MAP2K1: variants seen among roughly 807,000 people sequenced by gnomAD.
MAP2K1 encodes dual specificity mitogen-activated protein kinase kinase 1.
Under a neutral mutation model 46.3 loss-of-function variants are expected in MAP2K1, and 16 were observed. That is an observed-to-expected ratio of 0.35 (90% CI 0.23 to 0.52). The LOEUF is 0.52. Among genes scored for constraint, MAP2K1 ranks in the 20% least tolerant of loss-of-function variants. The probability of loss-of-function intolerance (pLI) is 0.94; values close to 1 mark genes in which losing one functional copy is unlikely to be tolerated. For missense variants in MAP2K1, 263 were observed against 497.1 expected, an observed-to-expected ratio of 0.53 and a Z score of 4.48; for synonymous variants, 183 against 185.6, an observed-to-expected ratio of 0.99 and a Z score of 0.11.
At chr15:66,489,687 A>G in intron 9 of MAP2K1, 31 bp from the exon 10 acceptor site, 1 of 1,591,012 alleles carries the variant, frequency 6.3e-7, no homozygotes, top group Non-Finnish European at 8.6e-7. Flanking sequence ...GTGCCAGGCA[A>G]CAGCTCTTAC....
chr15:66,407,291 A>G (rs538151797), intron 1 of MAP2K1, among the ~76,000 whole-genome samples: 2 of 151,966 alleles, frequency 1.3e-5, no homozygotes, highest in East Asian at 3.9e-4. Context: ...CCAATTTCCC[A>G]ATCCTATTTT....
intron 1 of MAP2K1, among the ~76,000 whole-genome samples, chr15:66,434,047 C>G (rs1477785134): frequency 6.6e-6 from 1 of 152,226 alleles, no homozygotes; most frequent in African/African-American, 2.4e-5. Context: ...TGTTCCCAAA[C>G]CCATTTGTTC....
chr15:66,416,975 A>G (rs2093426093), intron 1 of MAP2K1, among the ~76,000 whole-genome samples: 1 of 152,078 alleles, frequency 6.6e-6, no homozygotes, highest in Non-Finnish European at 1.5e-5. Flanking sequence ...CTGCACCTCT[A>G]CATGCTGTTC....
intron 1 of MAP2K1, among the ~76,000 whole-genome samples, chr15:66,393,040 C>G (rs2093360280): frequency 6.6e-6 from 1 of 152,168 alleles, no homozygotes; most frequent in African/African-American, 2.4e-5. Context: ...CAGTCATGAC[C>G]ATGCCCATCC....
At chr15:66,480,221 T>C (rs1001815076) in intron 5 of MAP2K1, among the ~76,000 whole-genome samples, 4 of 152,070 alleles carry the variant, frequency 2.6e-5, no homozygotes, top group Admixed American at 2.6e-4. Context: ...CCCAAGTAGA[T>C]GGGATTACAG....
At chr15:66,490,454 T>G (rs751245983) in intron 10 of MAP2K1, 48 bp from the exon 11 acceptor site, 6 of 1,414,932 alleles carry the variant, frequency 4.2e-6, no homozygotes, top group Middle Eastern at 1.8e-4. Flanking sequence ...TGGGTTTTGT[T>G]TTTTTGTTTC....
intron 5 of MAP2K1, among the ~76,000 whole-genome samples, chr15:66,474,359 T>G (rs929541777): frequency 6.6e-6 from 1 of 152,180 alleles, no homozygotes. Context: ...GCACCTTTCT[T>G]GCAGTTGGCC....
At chr15:66,436,615 T>C (rs1387641512) in intron 2 of MAP2K1, 131 bp from the exon 3 acceptor site, 2 of 899,456 alleles carry the variant, frequency 2.2e-6, no homozygotes, top group Non-Finnish European at 3.6e-6. Flanking sequence ...GAGCAGAAAC[T>C]TGTTTGTAAC....
At chr15:66,445,534 A>T (rs1015336652) in intron 5 of MAP2K1, among the ~76,000 whole-genome samples, 3 of 152,242 alleles carry the variant, frequency 2.0e-5, no homozygotes, top group African/African-American at 7.2e-5. Flanking sequence ...GCATCCACAC[A>T]AATGTTTAAA....
chr15:66,415,346 A>G (rs2093422121), intron 1 of MAP2K1: 1 of 310,558 alleles, frequency 3.2e-6, no homozygotes, highest in Non-Finnish European at 6.2e-6. Context: ...AAAGATTTAG[A>G]GGTTACCTCC....
At chr15:66,427,378 T>C (rs1336202214) in intron 1 of MAP2K1, among the ~76,000 whole-genome samples, 1 of 151,720 alleles carries the variant, frequency 6.6e-6, no homozygotes, top group Non-Finnish European at 1.5e-5. Context: ...GCCAACACAG[T>C]GAAACCCCGT....
chr15:66,429,604 G>T (rs957564140), intron 1 of MAP2K1, among the ~76,000 whole-genome samples: 1 of 149,046 alleles, frequency 6.7e-6, no homozygotes, highest in Non-Finnish European at 1.5e-5. Context: ...GGAAGGTATA[G>T]AACGCCTTCC....
intron 1 of MAP2K1, among the ~76,000 whole-genome samples, chr15:66,404,021 G>A (rs1185677980): frequency 2.6e-5 from 4 of 152,168 alleles, no homozygotes; most frequent in Admixed American, 2.6e-4. Flanking sequence ...CTGTATTTCA[G>A]CTCCTCTTTC....
intron 1 of MAP2K1, among the ~76,000 whole-genome samples, chr15:66,431,941 C>T (rs1027146811): frequency 2.0e-5 from 3 of 152,130 alleles, no homozygotes; most frequent in Admixed American, 6.5e-5. Flanking sequence ...TGAGAACATG[C>T]GGTATTTGGT....
intron 6 of MAP2K1, among the ~76,000 whole-genome samples, chr15:66,483,764 TTGAGACGGAGTCTCACTG>T (rs1892970524): frequency 6.6e-6 from 1 of 151,182 alleles, no homozygotes; most frequent in Non-Finnish European, 1.5e-5. Flanking sequence ...TTTTTTTTTT[TTGAGACGGAGTCTCACTG>T]TGTCACCCAG....
intron 5 of MAP2K1, among the ~76,000 whole-genome samples, chr15:66,461,310 C>T (rs936032665): frequency 6.6e-6 from 1 of 151,734 alleles, no homozygotes; most frequent in Non-Finnish European, 1.5e-5. Context: ...GCCAACATGG[C>T]GAAACCCCAA....
chr15:66,472,861 G>A (rs528467696), intron 5 of MAP2K1, among the ~76,000 whole-genome samples: 190 of 152,308 alleles, frequency 1.2e-3, no homozygotes, highest in African/African-American at 4.2e-3. Flanking sequence ...CATAAATATG[G>A]TGACCTTACT....
chr15:66,457,885 C>T (rs971620058), intron 5 of MAP2K1, among the ~76,000 whole-genome samples: 7 of 151,852 alleles, frequency 4.6e-5, no homozygotes, highest in African/African-American at 1.7e-4. Flanking sequence ...ATCACTTGAA[C>T]CCAGGAGGCA....
intron 5 of MAP2K1, among the ~76,000 whole-genome samples, chr15:66,467,185 G>T (rs1892489161): frequency 6.6e-6 from 1 of 152,096 alleles, no homozygotes; most frequent in Admixed American, 6.6e-5. Flanking sequence ...AGTGAGCCAA[G>T]ATTGTGTCAT....
Sources: allele counts gnomAD v4.1 joint callset (sites outside exome capture counted in the v4.1 genomes callset), GRCh38; gene constraint gnomAD v4.1.1; transcripts MANE v1.5; gene names NCBI Gene and HGNC (gene_info 2026-07-23, HGNC 2026-07-21).